Variants in STPG2 observed in about 807,000 individuals in gnomAD.
The protein encoded by STPG2 is sperm-tail PG-rich repeat-containing protein 2.
Under a neutral mutation model 54.2 loss-of-function variants are expected in STPG2, and 56 were observed. That is an observed-to-expected ratio of 1.03 (90% confidence interval 0.83 to 1.29). The LOEUF is 1.29. Among genes scored for constraint, STPG2 ranks in the 50% most tolerant of loss-of-function variants. STPG2 has a pLI of 0.00. For missense variants in STPG2, 596 were observed against 544.9 expected, an observed-to-expected ratio of 1.09 and a Z score of -0.93; for synonymous variants, 200 against 181.8, an observed-to-expected ratio of 1.10 and a Z score of -0.81.
chr4:97,537,789 C>T (rs969231438), intron 4 of STPG2, among the ~76,000 whole-genome samples: 1 of 152,168 alleles, frequency 6.6e-6, no homozygotes, highest in Non-Finnish European at 1.5e-5. Flanking sequence ...CTGGGAGGCA[C>T]CCCCTAGTAG....
chr4:97,637,327 T>C (rs1054748986), intron 10 of STPG2, among the ~76,000 whole-genome samples: 22 of 152,182 alleles, frequency 1.4e-4, no homozygotes, highest in African/African-American at 4.8e-4. Flanking sequence ...AAATTAAGTA[T>C]TGATGGGACA....
At chr4:97,512,738 C>T (rs764441324) in intron 4 of STPG2, among the ~76,000 whole-genome samples, 3 of 152,036 alleles carry the variant, frequency 2.0e-5, no homozygotes, top group Admixed American at 6.6e-5. Flanking sequence ...GAGGGCTTAG[C>T]GTACACCAGA....
intron 5 of STPG2, among the ~76,000 whole-genome samples, chr4:98,020,413 G>A (rs534020104): frequency 2.4e-4 from 35 of 146,420 alleles, no homozygotes; most frequent in Middle Eastern, 3.4e-3. Context: ...TGCTGGATTC[G>A]GTTTGCCAGT....
chr4:97,833,970 A>T (rs2149115060), intron 9 of STPG2, among the ~76,000 whole-genome samples: 1 of 152,290 alleles, frequency 6.6e-6, no homozygotes, highest in East Asian at 1.9e-4. Context: ...AGTATCTAGA[A>T]CCAGAAATAC....
At chr4:97,725,662 T>TA (rs947198674) in intron 9 of STPG2, among the ~76,000 whole-genome samples, 7 of 150,862 alleles carry the variant, frequency 4.6e-5, no homozygotes, top group South Asian at 2.1e-4. Context: ...AAAAGATATT[T>TA]AAAAAAAAAT....
intron 9 of STPG2, among the ~76,000 whole-genome samples, chr4:97,809,348 C>T (rs1019859696): frequency 2.0e-5 from 3 of 151,900 alleles, no homozygotes; most frequent in African/African-American, 7.3e-5. Context: ...CTAAAGAAAC[C>T]CCCCCAAGAT....
At position 98,017,151 on chromosome 4, in the gene STPG2, G is replaced by C. The variant is rs77768612; in HGVS notation, c.613-35833C>G. 9.5e-3 allele frequency among the ~76,000 whole-genome samples: 1,451 copies of C among 152,342 alleles called. 15 individuals are homozygous for C. The highest frequency in any genetic ancestry group is 0.027 in the South Asian group (129 of 4,824). On this transcript the variant is annotated intron_variant, in intron 5 of 10. Coordinates refer to ENST00000295268, the MANE Select transcript of STPG2 (RefSeq NM_174952.3). ...CTGCAAGGGCCAGACTGGTACCTCA[G>C]TCTACTGAGGATGGCTTGGTGTTAG... is the stretch of plus-strand genomic sequence containing the variant.
intron 4 of STPG2, among the ~76,000 whole-genome samples, chr4:97,499,640 GAGAT>G (rs1730683127): frequency 6.6e-6 from 1 of 151,924 alleles, no homozygotes; most frequent in African/African-American, 2.4e-5. Flanking sequence ...GGAGAAAAAA[GAGAT>G]AGAAAAGTCC....
At position 98,137,860 on chromosome 4, in the gene STPG2, T is replaced by C. The variant is rs927639355; in HGVS notation, c.110-3401A>G. Among the ~76,000 whole-genome samples the C allele has an allele frequency of 1.1e-4, 17 of 152,036 alleles. No homozygotes were observed. In the East Asian group the frequency reaches 2.9e-3, roughly 26 times the overall value. ...AAAGCTGGTACTCATAAAATCTTCA[T>C]TGAAGTTTTCCAAAATTAATTATAT... On this transcript the variant is annotated intron_variant, in intron 1 of 10. Transcript: ENST00000295268.
intron 4 of STPG2, among the ~76,000 whole-genome samples, chr4:97,527,150 G>GC (rs971668911): frequency 1.3e-5 from 2 of 151,704 alleles, no homozygotes; most frequent in African/African-American, 2.4e-5. Context: ...CCCTCCCCTA[G>GC]CCCCCCACCA....
intron 4 of STPG2, among the ~76,000 whole-genome samples, chr4:97,521,096 T>C (rs1457192559): frequency 6.6e-6 from 1 of 152,072 alleles, no homozygotes; most frequent in African/African-American, 2.4e-5. Flanking sequence ...CCACTGTTTG[T>C]TACTATTGTA....
At chr4:97,776,984 A>G (rs1726397099) in intron 9 of STPG2, among the ~76,000 whole-genome samples, 1 of 152,194 alleles carries the variant, frequency 6.6e-6, no homozygotes, top group Admixed American at 6.5e-5. Context: ...ATGTCAATCT[A>G]TGCTGCCTAC....
chr4:97,623,447 T>C (rs1288169088), intron 10 of STPG2, among the ~76,000 whole-genome samples: 1 of 152,030 alleles, frequency 6.6e-6, no homozygotes, highest in African/African-American at 2.4e-5. Context: ...GCAAAGGTCA[T>C]GAACATACAC....
intron 4 of STPG2, among the ~76,000 whole-genome samples, chr4:97,523,653 G>C (rs1731225636): frequency 6.6e-6 from 1 of 151,926 alleles, no homozygotes; most frequent in South Asian, 2.1e-4. Context: ...GATTCCACTT[G>C]TAAAACTGGA....
chr4:97,541,717 A>G (rs1464689191), intron 4 of STPG2, among the ~76,000 whole-genome samples: 1 of 152,198 alleles, frequency 6.6e-6, no homozygotes, highest in Non-Finnish European at 1.5e-5. Context: ...CTGACTTCAA[A>G]CTATACTACA....
At chr4:97,594,705 G>C (rs1733237104) in intron 10 of STPG2, among the ~76,000 whole-genome samples, 1 of 152,096 alleles carries the variant, frequency 6.6e-6, no homozygotes, top group African/African-American at 2.4e-5. Context: ...CTCCAAGAAT[G>C]AAATTAAAGA....
At chr4:97,627,036 C>A (rs887072292) in intron 10 of STPG2, among the ~76,000 whole-genome samples, 1 of 152,048 alleles carries the variant, frequency 6.6e-6, no homozygotes, top group East Asian at 1.9e-4. Context: ...ACTAATGTTT[C>A]TCACATGCTC....
intron 8 of STPG2, among the ~76,000 whole-genome samples, chr4:97,877,754 G>T (rs1396316571): frequency 6.6e-6 from 1 of 151,942 alleles, no homozygotes. Flanking sequence ...TTCCACCCCT[G>T]GCCCCTCCCA....
chr4:97,636,877 G>A (rs1721560794), intron 10 of STPG2, among the ~76,000 whole-genome samples: 1 of 151,524 alleles, frequency 6.6e-6, no homozygotes, highest in African/African-American at 2.4e-5. Flanking sequence ...AAGAGTCCAG[G>A]ACCAGATGGA....
Sources: gnomAD v4.1 joint callset for allele counts (sites outside exome capture counted in the v4.1 genomes callset) on GRCh38, gnomAD v4.1.1 for gene constraint, MANE v1.5 for transcripts, NCBI Gene and HGNC (gene_info 2026-07-23, HGNC 2026-07-21) for gene names.